Variants in TMEM154 observed in about 807,000 individuals in gnomAD.
TMEM154 encodes the protein transmembrane protein 154.
Under a neutral mutation model 24.5 loss-of-function variants are expected in TMEM154, and 27 were observed. The ratio of observed to expected loss-of-function variants is 1.10; its 90% confidence interval spans 0.81 to 1.52. TMEM154 has a LOEUF of 1.52. Ranked by LOEUF, TMEM154 falls within the 40% of genes most tolerant of loss-of-function variation. The probability of loss-of-function intolerance (pLI) is 0.00; values close to 1 mark genes in which losing one functional copy is unlikely to be tolerated. For missense variants in TMEM154, 228 were observed against 213.4 expected (o/e 1.07, Z -0.43); for synonymous variants, 67 against 76.8 (o/e 0.87, Z 0.67).
At chr4:152,646,442 G>A (rs1728233964) in intron 3 of TMEM154, 1 of 154,114 alleles carries the variant, frequency 6.5e-6, no homozygotes, top group South Asian at 2.0e-4. Flanking sequence ...CATCTGGGAG[G>A]GCACACAAAG....
intron 1 of TMEM154, chr4:152,668,441 G>T (rs1041199786): frequency 2.6e-5 from 4 of 152,082 alleles, no homozygotes; most frequent in Non-Finnish European, 5.9e-5. Context: ...CTTGAAAACA[G>T]ATACTCCCAG....
intron 1 of TMEM154, 63 bp from the exon 2 acceptor site, chr4:152,652,990 A>G: frequency 6.9e-7 from 1 of 1,455,530 alleles, no homozygotes; most frequent in South Asian, 1.4e-5. Flanking sequence ...TATATTGTCA[A>G]TGATTTTTAA....
At chr4:152,641,679 T>C (rs2149780564) in intron 5 of TMEM154, among the ~76,000 whole-genome samples, 1 of 138,830 alleles carries the variant, frequency 7.2e-6, no homozygotes, top group Admixed American at 7.1e-5. Context: ...TTTTTTTTTT[T>C]GCATTTTCCA....
At chr4:152,674,435 T>A (rs1011166601) in intron 1 of TMEM154, among the ~76,000 whole-genome samples, 2 of 152,222 alleles carry the variant, frequency 1.3e-5, no homozygotes, top group African/African-American at 4.8e-5. Context: ...GATTTTCAAT[T>A]TGGATTGCTC....
chr4:152,655,477 C>T (rs893616380), intron 1 of TMEM154, among the ~76,000 whole-genome samples: 3 of 152,208 alleles, frequency 2.0e-5, no homozygotes, highest in African/African-American at 7.2e-5. Flanking sequence ...CACAGTGCCA[C>T]TTTGAGGGCC....
rs56224803 is a variant in TMEM154, at chr4:152,653,390, A to ATTT, written c.65-466_65-464dup. Among the ~76,000 whole-genome samples, 291 of 141,960 alleles carry ATTT rather than the reference A, an allele frequency of 2.0e-3. 6 individuals are homozygous for ATTT. The highest frequency in any genetic ancestry group is 2.3e-3 in the East Asian group (11 of 4,784). The allele number at this position is 141,960 out of a possible 152,430, so 93.1% of individuals were successfully genotyped here. A position where few individuals can be genotyped will look rare whatever the true frequency, so the allele number is the denominator to read the frequency against. On this transcript the variant is annotated intron_variant, in intron 1 of 6. Transcript: ENST00000304385. ...GTAAAGAAATGCACTCTGTGTCCTA[A>ATTT]TTTTTTTTTTTTTTTTTGAGGCAGA...
intron 6 of TMEM154, among the ~76,000 whole-genome samples, chr4:152,632,502 T>C (rs1466913587): frequency 6.6e-6 from 1 of 152,244 alleles, no homozygotes; most frequent in Non-Finnish European, 1.5e-5. Flanking sequence ...TTCTTCCAGA[T>C]GAAATGTGCA....
chr4:152,645,499 A>C (rs1752344237), intron 3 of TMEM154, among the ~76,000 whole-genome samples: 1 of 152,210 alleles, frequency 6.6e-6, no homozygotes, highest in Non-Finnish European at 1.5e-5. Context: ...TTGGCAGGAG[A>C]ACCAACACAT....
chr4:152,643,413 A>G (rs1752294240), intron 4 of TMEM154, among the ~76,000 whole-genome samples: 1 of 152,244 alleles, frequency 6.6e-6, no homozygotes, highest in South Asian at 2.1e-4. Context: ...CAGGCCCAAC[A>G]AGTGGACAAA....
At position 152,628,222 on chromosome 4, in the gene TMEM154, T is replaced by G; in HGVS notation, c.*324A>C. ...TGACGAACATTTATCATGACCAGAG[T>G]GAGTTCAGTGAGCTAGAAGTTGGCT... On this transcript the variant is annotated 3_prime_UTR_variant, in exon 7 of 7. Transcript: ENST00000304385. The G allele has an allele frequency of 4.9e-6, 2 of 405,820 alleles. No homozygotes were observed. The highest frequency in any genetic ancestry group is 8.8e-6 in the Non-Finnish European group (2 of 228,008). 25.1% of individuals were successfully genotyped at this position (405,820 alleles called of 1,614,324 possible).
chr4:152,656,943 G>T (rs926480499), intron 1 of TMEM154, among the ~76,000 whole-genome samples: 1 of 151,116 alleles, frequency 6.6e-6, no homozygotes, highest in African/African-American at 2.4e-5. Context: ...ACAATTCAGG[G>T]TATGAATGAG....
chr4:152,661,289 TCTCTCTCTC>T (rs1728598399), intron 1 of TMEM154, among the ~76,000 whole-genome samples: 17 of 46,484 alleles, frequency 3.7e-4, no homozygotes, highest in African/African-American at 1.1e-3. Flanking sequence ...TCTCTTTCTC[TCTCTCTCTC>T]TCTCTCTCTC....
At chr4:152,630,839 G>A (rs538265159) in intron 6 of TMEM154, among the ~76,000 whole-genome samples, 22 of 151,980 alleles carry the variant, frequency 1.4e-4, no homozygotes, top group Non-Finnish European at 2.9e-4. Context: ...TATTCTTTTC[G>A]TACAAAATGG....
intron 6 of TMEM154, among the ~76,000 whole-genome samples, chr4:152,638,477 T>A (rs1206926093): frequency 6.6e-6 from 1 of 152,170 alleles, no homozygotes; most frequent in East Asian, 1.9e-4. Context: ...CCAGTATTGA[T>A]GTGTCTGGGT....
chr4:152,644,403 G>A lies in TMEM154; in HGVS notation c.392+12C>T. On this transcript the variant is annotated intron_variant, in intron 4 of 6. Transcript: ENST00000304385. ...CACCCCAGGTGGATCAGAAGCAGCA[G>A]GGAAAACTTACACTTTCACGTTTTC... 1 of 1,614,044 alleles carries A rather than the reference G, an allele frequency of 6.2e-7. No individual in the cohort carries two copies. The highest frequency in any genetic ancestry group is 8.5e-7 in the Non-Finnish European group (1 of 1,179,940).
chr4:152,677,538 T>G (rs771017145), intron 1 of TMEM154, among the ~76,000 whole-genome samples: 42 of 152,252 alleles, frequency 2.8e-4, no homozygotes, highest in Admixed American at 3.3e-4. Flanking sequence ...CATTAATTAA[T>G]TTTAAAAATC....
chr4:152,628,313 G>T lies in TMEM154; in HGVS notation c.*233C>A. On this transcript the variant is annotated 3_prime_UTR_variant, in exon 7 of 7. Coordinates refer to ENST00000304385, the MANE Select transcript of TMEM154 (RefSeq NM_152680.3). ...CCCGCCTCCTTCTCCACCCTCAGAG[G>T]CAGCGATGGATGGCAGCCAGGCCTT... 1 of 672,460 alleles carries T rather than the reference G, an allele frequency of 1.5e-6. No homozygotes were observed. The highest frequency in any genetic ancestry group is 2.5e-6 in the Non-Finnish European group (1 of 398,944). The allele number at this position is 672,460 out of a possible 1,614,324, so 41.7% of individuals were successfully genotyped here.
At chr4:152,672,940 A>C (rs2149791181) in intron 1 of TMEM154, among the ~76,000 whole-genome samples, 1 of 152,376 alleles carries the variant, frequency 6.6e-6, no homozygotes, top group Middle Eastern at 3.4e-3. Context: ...AACCATTTAC[A>C]AATGTAAAAA....
intron 3 of TMEM154, among the ~76,000 whole-genome samples, chr4:152,645,093 C>T (rs1179264979): frequency 6.9e-6 from 1 of 144,928 alleles, no homozygotes; most frequent in Non-Finnish European, 1.5e-5. Context: ...ATATTGGCCA[C>T]AATTTCTCAT....
Sources: gnomAD v4.1 joint callset for allele counts (sites outside exome capture counted in the v4.1 genomes callset) on GRCh38, gnomAD v4.1.1 for gene constraint, MANE v1.5 for transcripts, NCBI Gene and HGNC (gene_info 2026-07-23, HGNC 2026-07-21) for gene names.